Variants in HIVEP2 observed in about 807,000 individuals in gnomAD.
The protein encoded by HIVEP2 is transcription factor HIVEP2.
HIVEP2 carries 14 observed loss-of-function variants against 180.7 expected under a neutral mutation model. That is an observed-to-expected ratio of 0.08 (90% confidence interval 0.05 to 0.12). The LOEUF is 0.12. HIVEP2 is among the 10% of genes least tolerant of loss of function. The probability of loss-of-function intolerance (pLI) is 1.00; values close to 1 mark genes in which losing one functional copy is unlikely to be tolerated. For synonymous variants in HIVEP2, 1,184 were observed against 1,136.4 expected (o/e 1.04, Z -0.84); for missense variants, 2,579 against 3,008.5 (o/e 0.86, Z 3.34).
chr6:142,769,959 G>A lies in HIVEP2; in HGVS notation c.4780C>T (p.Leu1594=). Residue 1594 remains leucine, a synonymous_variant, in exon 5 of 10, where the codon CTG becomes TTG. Transcript: ENST00000367603. ...SSSLPAGDGQ[L]EEEGKGHKRP... is the part of the protein sequence containing the mutation. The stretch of plus-strand genomic sequence containing the variant: ...TTGTGGCCCTTCCCTTCCTCTTCCA[G>A]CTGACCATCTCCTGCTGGTAATGAA... The A allele has an allele frequency of 6.2e-7, 1 of 1,614,028 alleles. No individual in the cohort carries two copies. The highest frequency in any genetic ancestry group is 8.5e-7 in the Non-Finnish European group (1 of 1,180,032).
At chr6:142,839,524 T>C (rs954545992) in intron 1 of HIVEP2, among the ~76,000 whole-genome samples, 1 of 152,134 alleles carries the variant, frequency 6.6e-6, no homozygotes, top group Non-Finnish European at 1.5e-5. Flanking sequence ...TTGATCATGC[T>C]TGTCACCAAT....
chr6:142,893,106 G>T (rs1479638056), intron 1 of HIVEP2, among the ~76,000 whole-genome samples: 1 of 152,102 alleles, frequency 6.6e-6, no homozygotes, highest in Non-Finnish European at 1.5e-5. Flanking sequence ...CCCTATATTG[G>T]CCAGGCAGGA....
chr6:142,777,141 C>T (rs1014343770), intron 3 of HIVEP2, among the ~76,000 whole-genome samples: 4 of 152,138 alleles, frequency 2.6e-5, no homozygotes, highest in African/African-American at 9.7e-5. Flanking sequence ...AAAGATCATA[C>T]ACATTGACCT....
Position 142,773,193 on chromosome 6 carries a change from C to T in HIVEP2, c.1546G>A (p.Gly516Arg). 1.2e-6 allele frequency: 2 copies of T among 1,614,200 alleles called. No homozygotes were observed. Among genetic ancestry groups the T allele is most frequent in the African/African-American group, 1.3e-5 (1 of 75,052 alleles). Residue 516 changes from glycine (G) to arginine (R), a missense_variant, in exon 5 of 10, where the codon GGA (glycine) becomes AGA (arginine). Physicochemically the swap from Gly to Arg is moderately radical, Grantham distance 125. Coordinates refer to ENST00000367603, the MANE Select transcript of HIVEP2 (RefSeq NM_006734.4). ...QIIPSSIRNEGKLYPANFQGS... is the reference protein window; with the variant it reads ...QIIPSSIRNERKLYPANFQGS... ...TGGAAGTTTGCTGGATAAAGTTTTCCTTCGTTCCTGATAGATGATGGAATA... is the reference window on the plus strand; with the variant it reads ...TGGAAGTTTGCTGGATAAAGTTTTCTTTCGTTCCTGATAGATGATGGAATA...
chr6:142,782,131 G>A (rs1224739918), intron 3 of HIVEP2, among the ~76,000 whole-genome samples: 1 of 152,116 alleles, frequency 6.6e-6, no homozygotes, highest in Admixed American at 6.5e-5. Context: ...TGGTCACTTG[G>A]TCTTTTCTTG....
intron 1 of HIVEP2, among the ~76,000 whole-genome samples, chr6:142,934,681 A>G (rs901388649): frequency 1.3e-5 from 2 of 152,264 alleles, no homozygotes; most frequent in Non-Finnish European, 2.9e-5. Flanking sequence ...ATGGATAATT[A>G]GAAGCTGAAC....
chr6:142,917,965 G>T (rs1025925827), intron 1 of HIVEP2, among the ~76,000 whole-genome samples: 2 of 152,080 alleles, frequency 1.3e-5, no homozygotes, highest in East Asian at 1.9e-4. Context: ...TAGTAGACAG[G>T]TTTTGCCATG....
intron 2 of HIVEP2, among the ~76,000 whole-genome samples, chr6:142,792,241 A>T (rs1776155688): frequency 6.6e-6 from 1 of 152,144 alleles, no homozygotes; most frequent in African/African-American, 2.4e-5. Flanking sequence ...TTTCGGGCAA[A>T]CTCTGCAAAT....
rs566135624 is a variant in HIVEP2 at position 142,774,415 on chromosome 6, C to T, written c.324G>A (p.Gly108=). ...GATGTGGCTTGGTGCTGTGCATGAC[C>T]CCCTGTGGCAATGAGTGCTGAGGGA... ...LSFPQHSLPQ[G]VMHSTKPHQS... The change falls in exon 5 of 10, where the codon GGG becomes GGA. Residue 108 remains glycine (G), a synonymous_variant. Transcript: ENST00000367603. This position sits in a 1 kb window ranked among gnomAD's most constrained non-coding sequence, Gnocchi z 5.1. The T allele has an allele frequency of 3.7e-6, 6 of 1,614,142 alleles. No individual in the cohort carries two copies. The highest frequency in any genetic ancestry group is 5.1e-6 in the Non-Finnish European group (6 of 1,180,040).
In HIVEP2 at chr6:142,775,067, A is replaced by G; in HGVS notation, c.-329T>C. 9.5e-7 allele frequency: 1 copy of G among 1,050,972 alleles called. No individual in the cohort carries two copies. The highest frequency in any genetic ancestry group is 1.7e-5 in the African/African-American group (1 of 59,886). 65.1% of individuals were successfully genotyped at this position (1,050,972 alleles called of 1,614,324 possible). A position where few individuals can be genotyped will look rare whatever the true frequency, so the allele number is the denominator to read the frequency against. On this transcript the variant is annotated 5_prime_UTR_variant, in exon 5 of 10. Transcript: ENST00000367603. ...ATTGGGATGATGAATAGTCTAGGAGAAATTTTGCCCATCAACTAGAGCAAA... is the reference window on the plus strand; with the variant it reads ...ATTGGGATGATGAATAGTCTAGGAGGAATTTTGCCCATCAACTAGAGCAAA...
At chr6:142,806,103 T>G (rs771433940) in intron 2 of HIVEP2, among the ~76,000 whole-genome samples, 4 of 152,212 alleles carry the variant, frequency 2.6e-5, no homozygotes, top group Non-Finnish European at 5.9e-5. Flanking sequence ...TGAGTATTAC[T>G]GTACCTACTG....
chr6:142,939,061 TAATA>T (rs1041907257), intron 1 of HIVEP2, among the ~76,000 whole-genome samples: 1 of 152,212 alleles, frequency 6.6e-6, no homozygotes, highest in Non-Finnish European at 1.5e-5. Flanking sequence ...CTTTCACTAC[TAATA>T]TTTATAAATA....
At chr6:142,877,956 G>T (rs569082267) in intron 1 of HIVEP2, among the ~76,000 whole-genome samples, 2 of 152,280 alleles carry the variant, frequency 1.3e-5, no homozygotes, top group East Asian at 1.9e-4. Flanking sequence ...CAAGTGCTGG[G>T]ATTGTGTGTT....
intron 2 of HIVEP2, among the ~76,000 whole-genome samples, chr6:142,817,707 G>T (rs576715615): frequency 2.6e-5 from 4 of 152,182 alleles, no homozygotes; most frequent in Non-Finnish European, 5.9e-5. Flanking sequence ...AAAATGATGC[G>T]CAAGAAAGTG....
intron 1 of HIVEP2, among the ~76,000 whole-genome samples, chr6:142,873,758 C>T (rs1411971804): frequency 1.3e-5 from 2 of 152,102 alleles, no homozygotes; most frequent in Admixed American, 6.6e-5. Context: ...TAAGAACAGC[C>T]TCCAACAGAA....
intron 1 of HIVEP2, among the ~76,000 whole-genome samples, chr6:142,847,943 A>G (rs1455522055): frequency 6.6e-6 from 1 of 152,246 alleles, no homozygotes; most frequent in East Asian, 1.9e-4. Flanking sequence ...ACACAGTTAT[A>G]TAACATAATT....
At chr6:142,787,559 C>A in intron 2 of HIVEP2, among the ~76,000 whole-genome samples, 1 of 111,420 alleles carries the variant, frequency 9.0e-6, no homozygotes, top group South Asian at 3.8e-4. Context: ...GCATCTTTTC[C>A]TCTCTACAAA....
At chr6:142,765,612 T>A (rs1018321225) in intron 6 of HIVEP2, among the ~76,000 whole-genome samples, 1 of 152,198 alleles carries the variant, frequency 6.6e-6, no homozygotes, top group Non-Finnish European at 1.5e-5. Flanking sequence ...GGAGTCTAAA[T>A]TTCAACTAGC....
chr6:142,882,403 G>A (rs1776595413), intron 1 of HIVEP2, among the ~76,000 whole-genome samples: 1 of 152,064 alleles, frequency 6.6e-6, no homozygotes, highest in Non-Finnish European at 1.5e-5. Flanking sequence ...TTGAGGCCAG[G>A]AGTTTGAGAT....
Sources: allele counts gnomAD v4.1 joint callset (sites outside exome capture counted in the v4.1 genomes callset), GRCh38; gene constraint gnomAD v4.1.1; non-coding constraint Gnocchi (gnomAD v3.1); transcripts MANE v1.5; gene names NCBI Gene and HGNC (gene_info 2026-07-23, HGNC 2026-07-21).